GTF2F2: variants seen among roughly 807,000 people sequenced by gnomAD.
The protein encoded by GTF2F2 is general transcription factor IIF subunit 2.
GTF2F2 carries 23 observed loss-of-function variants against 42.2 expected under a neutral mutation model. That is an observed-to-expected ratio of 0.55 (90% confidence interval 0.39 to 0.77). The LOEUF (loss-of-function observed/expected upper bound fraction) is 0.77, where lower values mean the gene tolerates loss of function less well. GTF2F2 is among the 30% of genes least tolerant of loss of function. The probability of loss-of-function intolerance (pLI) is 0.00; values close to 1 mark genes in which losing one functional copy is unlikely to be tolerated. For missense variants in GTF2F2, 261 were observed against 287.2 expected (o/e 0.91, Z 0.66); for synonymous variants, 105 against 100.8 (o/e 1.04, Z -0.25).
intron 5 of GTF2F2, among the ~76,000 whole-genome samples, chr13:45,214,731 C>T (rs1873821638): frequency 6.7e-6 from 1 of 150,206 alleles, no homozygotes; most frequent in Non-Finnish European, 1.5e-5. Context: ...ACTTTTATTT[C>T]AGCCTCTTGA....
chr13:45,229,061 T>G (rs1160289066), intron 5 of GTF2F2, among the ~76,000 whole-genome samples: 1 of 152,160 alleles, frequency 6.6e-6, no homozygotes, highest in Non-Finnish European at 1.5e-5. Context: ...TTTGTAGTTT[T>G]TAGTAGAGAC....
At chr13:45,133,663 A>G (rs1051777705) in intron 1 of GTF2F2, among the ~76,000 whole-genome samples, 4 of 152,216 alleles carry the variant, frequency 2.6e-5, no homozygotes, top group African/African-American at 9.7e-5. Flanking sequence ...GCACTAGGCA[A>G]ACCTAGATAA....
intron 7 of GTF2F2, among the ~76,000 whole-genome samples, chr13:45,268,243 G>T (rs943823912): frequency 2.0e-5 from 3 of 152,030 alleles, no homozygotes; most frequent in African/African-American, 7.2e-5. Flanking sequence ...TCAAGAATCT[G>T]TTGATTCTTG....
chr13:45,213,142 C>A (rs1236541731), intron 5 of GTF2F2, among the ~76,000 whole-genome samples: 1 of 151,422 alleles, frequency 6.6e-6, no homozygotes, highest in Non-Finnish European at 1.5e-5. Flanking sequence ...GCAGTGGCGC[C>A]ATCTCGGCTC....
chr13:45,151,145 G>C (rs1870471451), intron 3 of GTF2F2, among the ~76,000 whole-genome samples: 1 of 151,766 alleles, frequency 6.6e-6, no homozygotes, highest in Non-Finnish European at 1.5e-5. Flanking sequence ...TCTCTTTTTG[G>C]AGTCCCCAAT....
intron 4 of GTF2F2, among the ~76,000 whole-genome samples, chr13:45,181,232 A>T (rs570701335): frequency 6.6e-6 from 1 of 151,726 alleles, no homozygotes; most frequent in African/African-American, 2.4e-5. Flanking sequence ...ATATCCAGAT[A>T]TCATGGCATC....
chr13:45,146,866 C>T (rs1012907476), intron 2 of GTF2F2, among the ~76,000 whole-genome samples: 1 of 152,122 alleles, frequency 6.6e-6, no homozygotes, highest in African/African-American at 2.4e-5. Context: ...AAATTTTGCA[C>T]ACAGGTCATC....
intron 2 of GTF2F2, among the ~76,000 whole-genome samples, chr13:45,142,535 A>G (rs1421333334): frequency 1.3e-5 from 2 of 152,194 alleles, no homozygotes; most frequent in Non-Finnish European, 2.9e-5. Context: ...AATAAGGAGC[A>G]AATTGTGTGT....
intron 4 of GTF2F2, among the ~76,000 whole-genome samples, chr13:45,188,144 G>A (rs1566128140): frequency 2.0e-5 from 3 of 152,142 alleles, no homozygotes; most frequent in Non-Finnish European, 4.4e-5. Context: ...GACCTCAAGT[G>A]ATCCACCCGC....
At chr13:45,263,382 C>G (rs2138260132) in intron 6 of GTF2F2, among the ~76,000 whole-genome samples, 1 of 152,222 alleles carries the variant, frequency 6.6e-6, no homozygotes, top group Admixed American at 6.5e-5. Flanking sequence ...GCGCCCGCCA[C>G]CATGCCCGGC....
chr13:45,170,155 C>G (rs988360752), intron 4 of GTF2F2, among the ~76,000 whole-genome samples: 3 of 152,158 alleles, frequency 2.0e-5, no homozygotes, highest in Non-Finnish European at 4.4e-5. Context: ...TCCCAAATAG[C>G]TGGGACTACA....
At chr13:45,266,780 T>G (rs1191833520) in intron 6 of GTF2F2, among the ~76,000 whole-genome samples, 1 of 152,202 alleles carries the variant, frequency 6.6e-6, no homozygotes, top group Non-Finnish European at 1.5e-5. Context: ...GAGTAACAGG[T>G]CCCAGGTTCT....
chr13:45,199,347 G>A (rs1204838422), intron 4 of GTF2F2, among the ~76,000 whole-genome samples: 1 of 152,176 alleles, frequency 6.6e-6, no homozygotes, highest in Admixed American at 6.5e-5. Context: ...CAGAAGTTCA[G>A]GTGAAATTCC....
At chr13:45,239,338 T>C (rs1875162794) in intron 5 of GTF2F2, among the ~76,000 whole-genome samples, 1 of 152,242 alleles carries the variant, frequency 6.6e-6, no homozygotes, top group Non-Finnish European at 1.5e-5. Context: ...TTGGACTGTT[T>C]AGTGGAAATC....
At chr13:45,215,496 A>G (rs1873849786) in intron 5 of GTF2F2, among the ~76,000 whole-genome samples, 1 of 152,366 alleles carries the variant, frequency 6.6e-6, no homozygotes, top group African/African-American at 2.4e-5. Context: ...GTGATGGCTC[A>G]TGCCAGTAAT....
At chr13:45,202,796 T>A (rs1051310802) in intron 4 of GTF2F2, among the ~76,000 whole-genome samples, 2 of 151,200 alleles carry the variant, frequency 1.3e-5, no homozygotes, top group African/African-American at 4.9e-5. Context: ...GTACTAAAAA[T>A]ACAAAAATTA....
intron 2 of GTF2F2, among the ~76,000 whole-genome samples, chr13:45,146,987 A>C (rs904849968): frequency 3.9e-5 from 6 of 152,246 alleles, no homozygotes; most frequent in Non-Finnish European, 7.3e-5. Context: ...ATAAGTTTTA[A>C]GTCTTCAAGG....
intron 2 of GTF2F2, among the ~76,000 whole-genome samples, chr13:45,140,182 G>A (rs554169689): frequency 2.0e-5 from 3 of 151,226 alleles, no homozygotes; most frequent in African/African-American, 7.3e-5. Flanking sequence ...CAAACTCCTG[G>A]GCTTAAGGGA....
chr13:45,132,507 G>T (rs985339703), intron 1 of GTF2F2, among the ~76,000 whole-genome samples: 2 of 151,666 alleles, frequency 1.3e-5, no homozygotes, highest in Admixed American at 6.6e-5. Context: ...ATCAGAGTGT[G>T]CACACTGAGA....
Sources: gnomAD v4.1 joint callset for allele counts (sites outside exome capture counted in the v4.1 genomes callset) on GRCh38, gnomAD v4.1.1 for gene constraint, MANE v1.5 for transcripts, NCBI Gene and HGNC (gene_info 2026-07-23, HGNC 2026-07-21) for gene names.